The following KDM7A variants were observed in gnomAD, a reference collection of about 807,000 sequenced individuals.
KDM7A encodes the protein lysine-specific demethylase 7A.
Under a neutral mutation model 114.8 loss-of-function variants are expected in KDM7A, and 28 were observed. The observed-to-expected ratio is 0.24, with a 90% CI of 0.18 to 0.33. KDM7A has a LOEUF of 0.33. Ranked by LOEUF, KDM7A falls within the 10% of genes least tolerant of loss-of-function variation. KDM7A has a pLI of 1.00. For synonymous variants in KDM7A, 423 were observed against 397.8 expected, an observed-to-expected ratio of 1.06 and a Z score of -0.75; for missense variants, 942 against 1,142.5, an observed-to-expected ratio of 0.82 and a Z score of 2.53.
At chr7:140,168,427 G>T (rs1794601984) in intron 1 of KDM7A, among the ~76,000 whole-genome samples, 1 of 152,042 alleles carries the variant, frequency 6.6e-6, no homozygotes, top group Admixed American at 6.6e-5. Context: ...AATTAGCCGG[G>T]CACAGTGGCA....
chr7:140,114,210 G>A (rs1585146031), intron 9 of KDM7A, among the ~76,000 whole-genome samples: 1 of 152,024 alleles, frequency 6.6e-6, no homozygotes, highest in African/African-American at 2.4e-5. Context: ...GTCTCCCTCT[G>A]ATGCCAAGCG....
At chr7:140,152,212 T>C (rs1466214536) in intron 1 of KDM7A, among the ~76,000 whole-genome samples, 1 of 152,208 alleles carries the variant, frequency 6.6e-6, no homozygotes, top group Non-Finnish European at 1.5e-5. Flanking sequence ...ATCCTTAGTA[T>C]GCTTTTTCAT....
chr7:140,130,362 G>A (rs1818765834), intron 3 of KDM7A, among the ~76,000 whole-genome samples: 1 of 151,960 alleles, frequency 6.6e-6, no homozygotes, highest in East Asian at 1.9e-4. Flanking sequence ...GCTCATGTCT[G>A]TAATTTCCAG....
chr7:140,142,040 T>C (rs981048894), intron 1 of KDM7A, among the ~76,000 whole-genome samples: 35 of 147,588 alleles, frequency 2.4e-4, no homozygotes, highest in African/African-American at 8.1e-4. Flanking sequence ...ATTAAAAAGA[T>C]ATTTATATAT....
Position 140,102,069 on chromosome 7 carries a change from G to T in KDM7A, c.1520C>A (p.Ser507Tyr), listed in dbSNP as rs1818238425. The change falls in exon 12 of 20, where the codon TCC becomes TAC. Residue 507 changes from serine to tyrosine, a missense_variant. Ser to Tyr is a moderately radical substitution (Grantham distance 144, BLOSUM62 -2). This residue lies in a region of KDM7A where 512 missense variants were observed against 576.6 expected (regional missense o/e 0.89). Coordinates refer to ENST00000397560, the MANE Select transcript of KDM7A (RefSeq NM_030647.2). ...SSNEATSPYH[S>Y]RRKMRKLRDH... is the part of the protein sequence containing the mutation. ...TCGAAGTTTCCTCATCTTTCTTCGGGAATGGTATGGGGAAGTTGCTTCATT... is the reference window on the plus strand; with the variant it reads ...TCGAAGTTTCCTCATCTTTCTTCGGTAATGGTATGGGGAAGTTGCTTCATT... 6.2e-7 allele frequency: 1 copy of T among 1,613,478 alleles called. No individual in the cohort carries two copies. Among genetic ancestry groups the T allele is most frequent in the Non-Finnish European group, 8.5e-7 (1 of 1,179,522 alleles).
chr7:140,149,538 G>A (rs1465226701), intron 1 of KDM7A, among the ~76,000 whole-genome samples: 1 of 152,140 alleles, frequency 6.6e-6, no homozygotes, highest in East Asian at 1.9e-4. Flanking sequence ...CTGTCCTGTG[G>A]TGAAAAGGAC....
chr7:140,104,985 C>G (rs1292376840), intron 11 of KDM7A, among the ~76,000 whole-genome samples: 1 of 152,170 alleles, frequency 6.6e-6, no homozygotes, highest in Non-Finnish European at 1.5e-5. Flanking sequence ...GTTTGTAGTT[C>G]TCCTTGAAGA....
At position 140,086,565 on chromosome 7, in the gene KDM7A, T is replaced by G. The variant is rs1165343416; in HGVS notation, c.*4529A>C. 6.6e-6 allele frequency: 1 copy of G among 152,178 alleles called. No homozygotes were observed. Among genetic ancestry groups the G allele is most frequent in the Non-Finnish European group, 1.5e-5 (1 of 68,028 alleles). 9.4% of individuals were successfully genotyped at this position (152,178 alleles called of 1,614,324 possible). A position where few individuals can be genotyped will look rare whatever the true frequency, so the allele number is the denominator to read the frequency against. ...AAGGGCTTCTAGGAAGGCTACAGTATTAAGATTACATTACGTTCAACAGCA... is the reference window on the plus strand; with the variant it reads ...AAGGGCTTCTAGGAAGGCTACAGTAGTAAGATTACATTACGTTCAACAGCA... On this transcript the variant is annotated 3_prime_UTR_variant, in exon 20 of 20. Transcript: ENST00000397560.
At chr7:140,144,013 C>T (rs1241773988) in intron 1 of KDM7A, among the ~76,000 whole-genome samples, 1 of 152,088 alleles carries the variant, frequency 6.6e-6, no homozygotes, top group East Asian at 1.9e-4. Flanking sequence ...ATACAATTCC[C>T]TTGGTCCATA....
intron 12 of KDM7A, 89 bp downstream of exon 12, chr7:140,101,862 C>T (rs1818232069): frequency 1.2e-6 from 1 of 847,688 alleles, no homozygotes; most frequent in Non-Finnish European, 2.0e-6. Flanking sequence ...TAGATATCAA[C>T]AATAGTCAAG....
intron 10 of KDM7A, among the ~76,000 whole-genome samples, chr7:140,112,011 A>G (rs1325972748): frequency 6.6e-6 from 1 of 151,992 alleles, no homozygotes; most frequent in Non-Finnish European, 1.5e-5. Context: ...ACACATCTAA[A>G]GCCTTCAGTA....
intron 5 of KDM7A, 27 bp downstream of exon 5, chr7:140,127,415 T>C (rs755805619): frequency 1.3e-6 from 2 of 1,596,356 alleles, no homozygotes; most frequent in Non-Finnish European, 1.7e-6. Context: ...CTCAGAATGC[T>C]AAACCAAAAT....
chr7:140,151,672 A>G (rs908509668), intron 1 of KDM7A, among the ~76,000 whole-genome samples: 1 of 152,232 alleles, frequency 6.6e-6, no homozygotes, highest in African/African-American at 2.4e-5. Flanking sequence ...TCACAAATGT[A>G]TATATTATGC....
chr7:140,100,660 T>TTATATATATATATATACACATATA (rs1818185180), intron 12 of KDM7A, among the ~76,000 whole-genome samples: 4 of 111,300 alleles, frequency 3.6e-5, no homozygotes, highest in Non-Finnish European at 7.2e-5. Context: ...TTTTAAAAAG[T>TTATATATATATATATACACATATA]TATATATATA....
At chr7:140,175,727 G>C (rs552528613) in intron 1 of KDM7A, among the ~76,000 whole-genome samples, 2 of 152,106 alleles carry the variant, frequency 1.3e-5, no homozygotes, top group African/African-American at 2.4e-5. Flanking sequence ...CGTCAAACCC[G>C]GAGCGCGGCG....
chr7:140,135,279 T>C (rs1398668449), intron 2 of KDM7A, among the ~76,000 whole-genome samples: 2 of 151,296 alleles, frequency 1.3e-5, no homozygotes, highest in South Asian at 2.1e-4. Flanking sequence ...TCTCGGCTCA[T>C]TGCAACCTCC....
intron 11 of KDM7A, among the ~76,000 whole-genome samples, chr7:140,108,154 ATTCTAGTTAGCCATTTGTCATATCTT>A (rs1203295812): frequency 6.6e-6 from 1 of 151,984 alleles, no homozygotes; most frequent in Admixed American, 6.5e-5. Flanking sequence ...TGTGCTGCTT[ATTCTAGTTAGCCATTTGTCATATCTT>A]TTTTTTCAAG....
intron 3 of KDM7A, 46 bp downstream of exon 3, chr7:140,133,493 A>C (rs1818822669): frequency 9.0e-7 from 1 of 1,115,132 alleles, no homozygotes. Context: ...ATGAGACGAC[A>C]TTCTTACATT....
chr7:140,103,456 TCCC>T (rs36126233), intron 11 of KDM7A, among the ~76,000 whole-genome samples: 2 of 147,604 alleles, frequency 1.4e-5, no homozygotes, highest in Non-Finnish European at 3.0e-5. Context: ...ATGTTATCCC[TCCC>T]CCCCCCTCCA....
Sources: allele counts gnomAD v4.1 joint callset (sites outside exome capture counted in the v4.1 genomes callset), GRCh38; gene constraint gnomAD v4.1.1; regional missense constraint gnomAD v4.1.1; transcripts MANE v1.5; gene names NCBI Gene and HGNC (gene_info 2026-07-23, HGNC 2026-07-21).